The following SNTG1 variants were observed in gnomAD, a reference collection of about 807,000 sequenced individuals.
The protein encoded by SNTG1 is gamma-1-syntrophin.
SNTG1 carries 39 observed loss-of-function variants against 74.7 expected under a neutral mutation model. The observed-to-expected ratio is 0.52, with a 90% CI of 0.40 to 0.68. SNTG1 has a LOEUF of 0.68. Among genes scored for constraint, SNTG1 ranks in the 30% least tolerant of loss-of-function variants. The probability of loss-of-function intolerance (pLI) is 0.00; values close to 1 mark genes in which losing one functional copy is unlikely to be tolerated. For synonymous variants in SNTG1, 254 were observed against 217.1 expected (o/e 1.17, Z -1.49); for missense variants, 685 against 609.5 (o/e 1.12, Z -1.30).
intron 2 of SNTG1, among the ~76,000 whole-genome samples, chr8:50,235,676 G>A (rs2132093762): frequency 6.6e-6 from 1 of 152,124 alleles, no homozygotes; most frequent in Middle Eastern, 3.4e-3. Context: ...TACGTGTGAA[G>A]GAAAAAGCTC....
chr8:50,603,996 C>T (rs963312142), intron 13 of SNTG1, among the ~76,000 whole-genome samples: 3 of 152,108 alleles, frequency 2.0e-5, no homozygotes, highest in Admixed American at 6.5e-5. Context: ...CACTCAAAGC[C>T]CTAGGGCTCT....
chr8:50,048,289 A>G (rs1181115127), intron 1 of SNTG1, among the ~76,000 whole-genome samples: 2 of 152,144 alleles, frequency 1.3e-5, no homozygotes, highest in Non-Finnish European at 2.9e-5. Flanking sequence ...AGAGAAAAAA[A>G]GAGAAAGAAA....
At chr8:50,748,625 C>T (rs2095560394) in intron 17 of SNTG1, among the ~76,000 whole-genome samples, 1 of 151,982 alleles carries the variant, frequency 6.6e-6, no homozygotes, top group African/African-American at 2.4e-5. Context: ...TTGAGCCACT[C>T]TATCAGCTGT....
intron 9 of SNTG1, among the ~76,000 whole-genome samples, chr8:50,510,448 T>G (rs1257768617): frequency 6.6e-6 from 1 of 152,168 alleles, no homozygotes; most frequent in Non-Finnish European, 1.5e-5. Flanking sequence ...TTAGGGAGGA[T>G]TCCCTCTTTT....
intron 18 of SNTG1, among the ~76,000 whole-genome samples, chr8:50,763,886 CACACACACACACACACACACAA>C (rs1336266338): frequency 0.029 from 3,708 of 128,226 alleles, 213 homozygotes; most frequent in African/African-American, 0.1. Flanking sequence ...CACACACACA[CACACACACACACACACACACAA>C]AAATAACCAA....
chr8:50,159,092 G>C (rs944040037), intron 1 of SNTG1, among the ~76,000 whole-genome samples: 2 of 151,872 alleles, frequency 1.3e-5, no homozygotes, highest in Admixed American at 6.6e-5. Context: ...CCGGCCGTTT[G>C]GGTTTTTTCT....
At chr8:50,500,084 T>C (rs1310624104) in intron 8 of SNTG1, among the ~76,000 whole-genome samples, 1 of 152,084 alleles carries the variant, frequency 6.6e-6, no homozygotes, top group African/African-American at 2.4e-5. Flanking sequence ...CTTAAATCTG[T>C]GGGCTCATGT....
At chr8:50,257,167 G>C (rs544358856) in intron 2 of SNTG1, among the ~76,000 whole-genome samples, 1 of 152,090 alleles carries the variant, frequency 6.6e-6, no homozygotes, top group African/African-American at 2.4e-5. Flanking sequence ...GGCAGGCATG[G>C]TTAAAATTGA....
intron 9 of SNTG1, among the ~76,000 whole-genome samples, chr8:50,512,118 C>CA (rs2094083797): frequency 6.6e-6 from 1 of 151,994 alleles, no homozygotes; most frequent in Non-Finnish European, 1.5e-5. Context: ...CTGGTGGTGA[C>CA]AAAATCTCTC....
intron 1 of SNTG1, among the ~76,000 whole-genome samples, chr8:49,945,738 T>TTCA (rs1350225627): frequency 6.6e-6 from 1 of 152,174 alleles, no homozygotes; most frequent in African/African-American, 2.4e-5. Flanking sequence ...ACACAGGCAC[T>TTCA]GAAGGCCTCT....
intron 17 of SNTG1, among the ~76,000 whole-genome samples, chr8:50,718,551 G>A (rs2095480200): frequency 6.6e-6 from 1 of 152,146 alleles, no homozygotes; most frequent in Non-Finnish European, 1.5e-5. Context: ...CTCTAAGAAT[G>A]AGGAGGTTAG....
chr8:50,368,766 G>A (rs2092190060), intron 2 of SNTG1, among the ~76,000 whole-genome samples: 1 of 152,242 alleles, frequency 6.6e-6, no homozygotes, highest in East Asian at 1.9e-4. Context: ...GAAACAAAGA[G>A]GTTCTTCTTC....
At chr8:50,506,469 T>C (rs1451522917) in intron 9 of SNTG1, among the ~76,000 whole-genome samples, 1 of 152,066 alleles carries the variant, frequency 6.6e-6, no homozygotes. Flanking sequence ...ATTCTTCCAG[T>C]GTATCAGCAT....
chr8:50,401,149 T>TAC (rs1400817097), intron 3 of SNTG1, among the ~76,000 whole-genome samples: 1 of 151,828 alleles, frequency 6.6e-6, no homozygotes, highest in Non-Finnish European at 1.5e-5. Flanking sequence ...CATATATATA[T>TAC]TCCACTATCT....
chr8:50,081,958 C>T (rs901933270), intron 1 of SNTG1, among the ~76,000 whole-genome samples: 1 of 152,090 alleles, frequency 6.6e-6, no homozygotes, highest in Non-Finnish European at 1.5e-5. Context: ...TCTTCTTTCT[C>T]CCTGTGCATT....
chr8:50,497,637 T>C (rs993901178), intron 8 of SNTG1, among the ~76,000 whole-genome samples: 2 of 152,022 alleles, frequency 1.3e-5, no homozygotes, highest in African/African-American at 2.4e-5. Flanking sequence ...TAGGGCAGAA[T>C]TGTTATCTTC....
chr8:50,248,027 C>T (rs1262426832), intron 2 of SNTG1, among the ~76,000 whole-genome samples: 2 of 152,120 alleles, frequency 1.3e-5, no homozygotes, highest in Non-Finnish European at 1.5e-5. Flanking sequence ...TGTGTCTCTT[C>T]ACATCTTCTT....
chr8:50,175,666 A>C (rs1271190432), intron 2 of SNTG1, among the ~76,000 whole-genome samples: 1 of 152,198 alleles, frequency 6.6e-6, no homozygotes, highest in Admixed American at 6.5e-5. Flanking sequence ...CTAAAGCCCA[A>C]TAAGAGTACA....
intron 2 of SNTG1, among the ~76,000 whole-genome samples, chr8:50,347,050 A>G (rs2091499823): frequency 6.6e-6 from 1 of 152,276 alleles, no homozygotes; most frequent in South Asian, 2.1e-4. Flanking sequence ...GGTGGGTACA[A>G]TAAATAACAG....
Sources: gnomAD v4.1 joint callset for allele counts (sites outside exome capture counted in the v4.1 genomes callset) on GRCh38, gnomAD v4.1.1 for gene constraint, MANE v1.5 for transcripts, NCBI Gene and HGNC (gene_info 2026-07-23, HGNC 2026-07-21) for gene names.